The following CAGE1 variants were observed in gnomAD, a reference collection of about 807,000 sequenced individuals.
CAGE1 encodes cancer-associated gene 1 protein.
Under a neutral mutation model 94.9 loss-of-function variants are expected in CAGE1, and 66 were observed. The observed-to-expected ratio is 0.70, with a 90% CI of 0.57 to 0.85. The LOEUF is 0.85. Among genes scored for constraint, CAGE1 ranks in the 40% least tolerant of loss-of-function variants. The probability of loss-of-function intolerance (pLI) is 0.00; values close to 1 mark genes in which losing one functional copy is unlikely to be tolerated. For missense variants in CAGE1, 865 were observed against 950.4 expected (o/e 0.91, Z 1.18); for synonymous variants, 319 against 321.0 (o/e 0.99, Z 0.07).
chr6:7,366,835 G>C (rs560772793), intron 7 of CAGE1, among the ~76,000 whole-genome samples: 7 of 151,638 alleles, frequency 4.6e-5, no homozygotes, highest in African/African-American at 1.7e-4. Flanking sequence ...GTGGTCTCGG[G>C]GTCTCCAAGG....
chr6:7,343,069 A>G (rs2113370733), intron 11 of CAGE1, among the ~76,000 whole-genome samples: 1 of 152,022 alleles, frequency 6.6e-6, no homozygotes. Flanking sequence ...GGTGCCTGTA[A>G]TCCCAGCTAC....
intron 7 of CAGE1, among the ~76,000 whole-genome samples, chr6:7,366,182 G>T (rs533196734): frequency 6.7e-6 from 1 of 149,102 alleles, no homozygotes; most frequent in African/African-American, 2.5e-5. Context: ...GGAGGCGGAG[G>T]TTGCAGTGAG....
intron 3 of CAGE1, among the ~76,000 whole-genome samples, chr6:7,383,798 T>C (rs1463330290): frequency 2.0e-5 from 3 of 152,200 alleles, no homozygotes; most frequent in African/African-American, 7.2e-5. Flanking sequence ...TTATTTTTTA[T>C]GGCCTCCAGG....
rs181879078 is a variant in CAGE1, at chr6:7,332,728, C to T, written c.2438+1294G>A. 1.1e-4 allele frequency among the ~76,000 whole-genome samples: 17 copies of T among 152,252 alleles called. No individual in the cohort carries two copies. In the East Asian group the frequency reaches 1.4e-3, roughly 12 times the overall value. On this transcript the variant is annotated intron_variant, in intron 12 of 13. Coordinates refer to ENST00000502583, the MANE Select transcript of CAGE1 (RefSeq NM_001170692.2). ...ACAGGAACTCATGACACGACAGATT[C>T]GAAGAAATCCTTCTCCAATCTTCCC...
At position 7,329,754 on chromosome 6, in the gene CAGE1, G is replaced by C. The variant is rs187651793; in HGVS notation, c.2478+95C>G. The C allele has an allele frequency of 2.2e-3, 1,457 of 666,778 alleles. 3 individuals are homozygous for C. Among genetic ancestry groups the C allele is most frequent in the Non-Finnish European group, 3.2e-3 (1,170 of 364,618 alleles). The allele number at this position is 666,778 out of a possible 1,614,324, so 41.3% of individuals were successfully genotyped here. A position where few individuals can be genotyped will look rare whatever the true frequency, so the allele number is the denominator to read the frequency against. ...GGGGAAGGCTAGGTTGCACAGTATG[G>C]AAATGTGACTTCAGGAACTCCTATT... On this transcript the variant is annotated intron_variant, in intron 13 of 13. Coordinates refer to ENST00000502583, the MANE Select transcript of CAGE1 (RefSeq NM_001170692.2).
At chr6:7,359,029 T>C (rs1760078572) in intron 9 of CAGE1, among the ~76,000 whole-genome samples, 1 of 151,934 alleles carries the variant, frequency 6.6e-6, no homozygotes, top group Non-Finnish European at 1.5e-5. Context: ...TGAGTGGTAT[T>C]CTCTGTGGTT....
Position 7,387,011 on chromosome 6 carries a change from CCATACAGA to C in CAGE1, c.155_162del (p.Ile52ArgfsTer8), listed in dbSNP as rs1761144265. On this transcript the variant is annotated frameshift_variant, in exon 2 of 14. Coordinates refer to ENST00000502583, the MANE Select transcript of CAGE1 (RefSeq NM_001170692.2). LOFTEE classifies it high-confidence loss of function. The stretch of plus-strand genomic sequence containing the variant: ...AAGTCACAAGTGGTGCCGGTGGTTT[CCATACAGA>C]TTGGAGAATGTGAAAGCATTACACC... The C allele has an allele frequency of 2.6e-6, 4 of 1,551,976 alleles. No homozygotes were observed. The highest frequency in any genetic ancestry group is 3.5e-6 in the Non-Finnish European group (4 of 1,147,002).
chr6:7,378,728 A>G lies in CAGE1; in HGVS notation c.576T>C (p.Pro192=). 1 of 1,613,972 alleles carries G rather than the reference A, an allele frequency of 6.2e-7. No individual in the cohort carries two copies. Among genetic ancestry groups the G allele is most frequent in the Non-Finnish European group, 8.5e-7 (1 of 1,179,858 alleles). The part of the protein sequence containing the change: ...YFRQPPPRSP[P]LIHCSGEMLK... ...GCATCTCTCCACTGCAGTGGATTAG[A>G]GGCGGGCTTCTAGGAGGAGGCTGTC... is the stretch of plus-strand genomic sequence containing the variant. The change falls in exon 4 of 14, where the codon CCT becomes CCC. Residue 192 remains proline, a synonymous_variant. Coordinates refer to ENST00000502583, the MANE Select transcript of CAGE1 (RefSeq NM_001170692.2).
At chr6:7,327,658 C>T (rs985485889) in intron 13 of CAGE1, among the ~76,000 whole-genome samples, 5 of 152,202 alleles carry the variant, frequency 3.3e-5, no homozygotes, top group East Asian at 3.9e-4. Flanking sequence ...TGGCTGAGCG[C>T]GGTGGCTCAC....
intron 7 of CAGE1, among the ~76,000 whole-genome samples, chr6:7,366,665 T>C (rs7769554): frequency 0.54 from 81,700 of 152,008 alleles, 24,768 homozygotes; most frequent in African/African-American, 0.84. Context: ...AAATGCATCC[T>C]GTGTGACTCC....
chr6:7,355,958 C>T (rs945532888), intron 10 of CAGE1, 67 bp downstream of exon 10: 3 of 888,738 alleles, frequency 3.4e-6, no homozygotes, highest in Admixed American at 4.1e-5. Context: ...TAGCACTGCA[C>T]TGTACTTCGG....
intron 13 of CAGE1, among the ~76,000 whole-genome samples, chr6:7,329,423 C>A (rs1437660763): frequency 6.6e-6 from 1 of 152,124 alleles, no homozygotes; most frequent in African/African-American, 2.4e-5. Flanking sequence ...CGCCAAGGAG[C>A]TCAGATTTGA....
chr6:7,379,227 G>A (rs1210288062), intron 3 of CAGE1, among the ~76,000 whole-genome samples: 1 of 152,162 alleles, frequency 6.6e-6, no homozygotes, highest in Non-Finnish European at 1.5e-5. Context: ...GTCCCCAAAT[G>A]ACTGCTAGGA....
At chr6:7,343,187 C>A in intron 11 of CAGE1, among the ~76,000 whole-genome samples, 1 of 49,770 alleles carries the variant, frequency 2.0e-5, no homozygotes. Context: ...AGACTCTGTC[C>A]CACAAAAAAA....
chr6:7,347,145 G>A (rs928241365), intron 11 of CAGE1, among the ~76,000 whole-genome samples: 2 of 152,072 alleles, frequency 1.3e-5, no homozygotes, highest in African/African-American at 4.8e-5. Context: ...GTGGAGGCTC[G>A]CGTCATGAAT....
intron 9 of CAGE1, among the ~76,000 whole-genome samples, chr6:7,357,546 T>A (rs1233761573): frequency 6.6e-6 from 1 of 152,140 alleles, no homozygotes; most frequent in African/African-American, 2.4e-5. Flanking sequence ...GGATTTTTTT[T>A]TAATTTGCTA....
At chr6:7,378,280 C>T (rs1218205092) in intron 4 of CAGE1, among the ~76,000 whole-genome samples, 1 of 152,128 alleles carries the variant, frequency 6.6e-6, no homozygotes, top group Admixed American at 6.5e-5. Context: ...TAAGACAGTC[C>T]TGATCCTTAG....
At chr6:7,329,404 T>C (rs1039953745) in intron 13 of CAGE1, 7 of 343,956 alleles carry the variant, frequency 2.0e-5, no homozygotes, top group Non-Finnish European at 3.6e-5. Flanking sequence ...TAGGGGACTT[T>C]ATACGCCTCG....
chr6:7,376,272 C>T (rs1760739568), intron 4 of CAGE1, among the ~76,000 whole-genome samples: 1 of 151,986 alleles, frequency 6.6e-6, no homozygotes, highest in Admixed American at 6.6e-5. Flanking sequence ...ACCTGTAATC[C>T]CAGCTACTGG....
Sources: allele counts gnomAD v4.1 joint callset (sites outside exome capture counted in the v4.1 genomes callset), GRCh38; gene constraint gnomAD v4.1.1; transcripts MANE v1.5; gene names NCBI Gene and HGNC (gene_info 2026-07-23, HGNC 2026-07-21).